The following EXT1 variants were observed in gnomAD, a reference collection of about 807,000 sequenced individuals.
EXT1 encodes exostosin glycosyltransferase 1.
In EXT1, 20 loss-of-function variants were observed where a neutral mutation model predicts 82.5. That is an observed-to-expected ratio of 0.24 (90% CI 0.17 to 0.35). The LOEUF is 0.35. Ranked by LOEUF, EXT1 falls within the 10% of genes least tolerant of loss-of-function variation. The pLI is 1.00. For missense variants in EXT1, 757 were observed against 936.5 expected, an observed-to-expected ratio of 0.81 and a Z score of 2.50; for synonymous variants, 348 against 350.8, an observed-to-expected ratio of 0.99 and a Z score of 0.09.
At chr8:118,079,301 C>G (rs1817266857) in intron 1 of EXT1, among the ~76,000 whole-genome samples, 1 of 152,118 alleles carries the variant, frequency 6.6e-6, no homozygotes, top group Non-Finnish European at 1.5e-5. Flanking sequence ...AATTTTTCAC[C>G]ATGTCCACAA....
chr8:118,098,758 C>CCA (rs1219394367), intron 1 of EXT1, among the ~76,000 whole-genome samples: 1 of 128,142 alleles, frequency 7.8e-6, no homozygotes, highest in Non-Finnish European at 1.6e-5. Context: ...GACTCTGTCT[C>CCA]AAAAAAAAAA....
At chr8:117,860,163 A>G (rs962423140) in intron 1 of EXT1, among the ~76,000 whole-genome samples, 3 of 151,560 alleles carry the variant, frequency 2.0e-5, no homozygotes, top group African/African-American at 7.3e-5. Context: ...AAAAAAAAAA[A>G]AAAAAAATGA....
At chr8:118,036,713 T>C (rs184725306) in intron 1 of EXT1, among the ~76,000 whole-genome samples, 2 of 152,112 alleles carry the variant, frequency 1.3e-5, no homozygotes. Context: ...CATGATAGAG[T>C]AGAAACCTTT....
At chr8:117,934,721 C>G (rs544824975) in intron 1 of EXT1, among the ~76,000 whole-genome samples, 1 of 152,332 alleles carries the variant, frequency 6.6e-6, no homozygotes, top group South Asian at 2.1e-4. Context: ...ACACCTCAGG[C>G]TCCTTTCACA....
intron 1 of EXT1, among the ~76,000 whole-genome samples, chr8:117,973,837 A>T (rs1815000772): frequency 8.4e-5 from 11 of 130,910 alleles, no homozygotes; most frequent in Non-Finnish European, 1.6e-5. Context: ...AAAGGAAAGG[A>T]AAGGAAAGGA....
rs532088945 is a variant in EXT1, at chr8:118,076,036, G to A, written c.962+34049C>T. On this transcript the variant is annotated intron_variant, in intron 1 of 10. Coordinates refer to ENST00000378204, the MANE Select transcript of EXT1 (RefSeq NM_000127.3). ...CATACATGGTTATGCTTTGGATAGG[G>A]AGTAGATTTATATATCCCCACTGAG... 6.8e-4 allele frequency among the ~76,000 whole-genome samples: 104 copies of A among 152,290 alleles called. 2 individuals carry two copies. The South Asian group carries it at 0.021, about 31-fold the overall frequency.
At chr8:117,972,419 G>C (rs961392423) in intron 1 of EXT1, among the ~76,000 whole-genome samples, 2 of 152,246 alleles carry the variant, frequency 1.3e-5, no homozygotes, top group Admixed American at 6.5e-5. Context: ...ACACAGGAAA[G>C]GTCAATTGCT....
intron 1 of EXT1, among the ~76,000 whole-genome samples, chr8:117,877,205 G>A (rs531466454): frequency 3.9e-5 from 6 of 152,140 alleles, no homozygotes; most frequent in Non-Finnish European, 7.3e-5. Context: ...GGAGGCCGGC[G>A]CAACTGAAAT....
chr8:118,027,050 G>A (rs1240360202), intron 1 of EXT1, among the ~76,000 whole-genome samples: 2 of 152,100 alleles, frequency 1.3e-5, no homozygotes, highest in East Asian at 1.9e-4. Flanking sequence ...AGCCCAGCCT[G>A]GGCAACACAG....
At position 117,860,718 on chromosome 8, in the gene EXT1, G is replaced by A. The variant is rs911162579; in HGVS notation, c.963-23517C>T. Among the ~76,000 whole-genome samples, 9 of 152,264 alleles carry A rather than the reference G, an allele frequency of 5.9e-5. No individual in the cohort carries two copies. The South Asian group carries it at 8.3e-4, about 14-fold the overall frequency. The stretch of plus-strand genomic sequence containing the variant: ...ATCATGAGATTTCATGCCAAAATCC[G>A]GATTTCAGGCATCTCATGAAAAATG... On this transcript the variant is annotated intron_variant, in intron 1 of 10. Coordinates refer to ENST00000378204, the MANE Select transcript of EXT1 (RefSeq NM_000127.3).
intron 1 of EXT1, among the ~76,000 whole-genome samples, chr8:117,997,067 C>T (rs186977954): frequency 8.5e-5 from 13 of 152,132 alleles, no homozygotes; most frequent in Non-Finnish European, 1.3e-4. Flanking sequence ...CAGTAGCAGT[C>T]GTTAAACAGG....
At chr8:117,910,267 C>T (rs1813620787) in intron 1 of EXT1, among the ~76,000 whole-genome samples, 1 of 152,142 alleles carries the variant, frequency 6.6e-6, no homozygotes. Context: ...AAGGGGGCTG[C>T]TGATGATGAA....
chr8:118,009,450 T>C (rs895642664), intron 1 of EXT1, among the ~76,000 whole-genome samples: 2 of 151,818 alleles, frequency 1.3e-5, no homozygotes, highest in African/African-American at 4.8e-5. Flanking sequence ...AAAGGGTGAG[T>C]CAAAGCAAGT....
chr8:117,962,765 A>G (rs6983986), intron 1 of EXT1, among the ~76,000 whole-genome samples: 2 of 56,984 alleles, frequency 3.5e-5, no homozygotes, highest in Middle Eastern at 0.026. Flanking sequence ...CACACCCCCC[A>G]CCCCCAAAAA....
intron 4 of EXT1, among the ~76,000 whole-genome samples, chr8:117,825,038 T>C (rs1464716618): frequency 1.3e-5 from 2 of 151,920 alleles, no homozygotes; most frequent in Non-Finnish European, 2.9e-5. Flanking sequence ...AGCTAATTTT[T>C]TATTTTTATT....
At chr8:118,080,144 A>G (rs1464608157) in intron 1 of EXT1, among the ~76,000 whole-genome samples, 2 of 152,206 alleles carry the variant, frequency 1.3e-5, no homozygotes, top group Non-Finnish European at 2.9e-5. Flanking sequence ...ACCTCAGACA[A>G]TCATCAAAGC....
Position 117,896,304 on chromosome 8 carries a change from G to A in EXT1, c.963-59103C>T, listed in dbSNP as rs28357269. Among the ~76,000 whole-genome samples the A allele has an allele frequency of 9.9e-5, 15 of 152,238 alleles. No individual in the cohort carries two copies. The East Asian group carries it at 2.5e-3, about 25-fold the overall frequency. ...ATCATCATCTTTTGTATTTTATTAC[G>A]AGCTTCCTTTAGTATATTAATTTCT... On this transcript the variant is annotated intron_variant, in intron 1 of 10. Coordinates refer to ENST00000378204, the MANE Select transcript of EXT1 (RefSeq NM_000127.3).
At chr8:118,026,574 G>A (rs757432681) in intron 1 of EXT1, among the ~76,000 whole-genome samples, 1 of 151,614 alleles carries the variant, frequency 6.6e-6, no homozygotes. Flanking sequence ...TATGACCTAC[G>A]CTAAGCCTCT....
intron 1 of EXT1, among the ~76,000 whole-genome samples, chr8:118,054,239 C>G (rs532757839): frequency 5.1e-4 from 78 of 152,290 alleles, no homozygotes; most frequent in African/African-American, 1.8e-3. Context: ...CCCAAACTAG[C>G]TAGGAAGCCA....
Sources: gnomAD v4.1 joint callset for allele counts (sites outside exome capture counted in the v4.1 genomes callset) on GRCh38, gnomAD v4.1.1 for gene constraint, MANE v1.5 for transcripts, NCBI Gene and HGNC (gene_info 2026-07-23, HGNC 2026-07-21) for gene names.